Variants in CHODL observed in about 807,000 individuals in gnomAD.
CHODL encodes the protein transmembrane protein MT75.
CHODL carries 29 observed loss-of-function variants against 34.5 expected under a neutral mutation model. The ratio of observed to expected loss-of-function variants is 0.84; its 90% CI spans 0.63 to 1.15. The LOEUF (loss-of-function observed/expected upper bound fraction) is 1.15, where lower values mean the gene tolerates loss of function less well. Ranked by LOEUF, CHODL falls within the 50% of genes most tolerant of loss-of-function variation. The pLI, the probability that CHODL is intolerant of heterozygous loss-of-function variation, is 0.00. For missense variants in CHODL, 332 were observed against 332.5 expected (o/e 1.00, Z 0.01); for synonymous variants, 125 against 116.1 (o/e 1.08, Z -0.49).
intron 1 of CHODL, among the ~76,000 whole-genome samples, chr21:17,953,927 T>A (rs1004194425): frequency 2.6e-5 from 4 of 152,060 alleles, no homozygotes; most frequent in African/African-American, 9.7e-5. Flanking sequence ...GGACAATCAC[T>A]TGAACCCGGG....
At chr21:18,214,048 A>C (rs1450711359) in intron 2 of CHODL, among the ~76,000 whole-genome samples, 1 of 152,070 alleles carries the variant, frequency 6.6e-6, no homozygotes, top group African/African-American at 2.4e-5. Context: ...AAGTTCAATG[A>C]GTCTAAAGTC....
intron 2 of CHODL, among the ~76,000 whole-genome samples, chr21:18,171,868 T>G (rs1568922053): frequency 6.6e-6 from 1 of 152,092 alleles, no homozygotes; most frequent in African/African-American, 2.4e-5. Context: ...TTGGACAGAG[T>G]TTTCCTTAAA....
intron 1 of CHODL, among the ~76,000 whole-genome samples, chr21:17,946,184 A>G (rs567115464): frequency 6.6e-5 from 10 of 152,216 alleles, no homozygotes; most frequent in South Asian, 2.1e-4. Flanking sequence ...TTGGGAGGCC[A>G]AGGCGGGCGG....
At chr21:18,062,458 C>T (rs62213041) in intron 2 of CHODL, among the ~76,000 whole-genome samples, 69,084 of 151,600 alleles carry the variant, frequency 0.46, 16,487 homozygotes, top group Middle Eastern at 0.53. Flanking sequence ...ATCCTCCCAC[C>T]CTGGCCTCTC....
rs147742581 is a variant in CHODL, at chr21:18,130,903, G to A, written c.-45+102932G>A. On this transcript the variant is annotated intron_variant, in intron 2 of 6. Transcript: ENST00000400127. The stretch of plus-strand genomic sequence containing the variant: ...CTACATCTGTACCCTTATTTATTTT[G>A]TTAAAGAATCTGAGTCAGCTTGGGC... Among the ~76,000 whole-genome samples, 716 of 152,090 alleles carry A rather than the reference G, an allele frequency of 4.7e-3. 9 individuals are homozygous for A. The highest frequency in any genetic ancestry group is 0.014 in the African/African-American group (573 of 41,488).
At chr21:17,984,332 G>A (rs2063737246) in intron 1 of CHODL, among the ~76,000 whole-genome samples, 1 of 152,116 alleles carries the variant, frequency 6.6e-6, no homozygotes, top group Non-Finnish European at 1.5e-5. Context: ...CCGTGAACAT[G>A]GGAGTGCAGA....
chr21:18,049,798 C>T (rs1284025644), intron 2 of CHODL, among the ~76,000 whole-genome samples: 1 of 151,936 alleles, frequency 6.6e-6, no homozygotes, highest in Non-Finnish European at 1.5e-5. Context: ...CATTAAAGAC[C>T]TTTTCTTCAA....
At chr21:18,214,801 C>T (rs992451391) in intron 2 of CHODL, among the ~76,000 whole-genome samples, 1 of 152,000 alleles carries the variant, frequency 6.6e-6, no homozygotes, top group Non-Finnish European at 1.5e-5. Context: ...ATCACTTAGG[C>T]GATAGTCACC....
At chr21:17,965,105 C>A (rs188154656) in intron 1 of CHODL, among the ~76,000 whole-genome samples, 2 of 152,164 alleles carry the variant, frequency 1.3e-5, no homozygotes, top group Admixed American at 1.3e-4. Flanking sequence ...ATCTCTTAAA[C>A]CATTTATTTT....
chr21:18,183,441 A>G (rs2073405638), intron 2 of CHODL, among the ~76,000 whole-genome samples: 1 of 152,230 alleles, frequency 6.6e-6, no homozygotes, highest in African/African-American at 2.4e-5. Flanking sequence ...GAAGATGTAC[A>G]AAGTAGAGGA....
At chr21:17,940,134 G>A (rs1013905401) in intron 1 of CHODL, among the ~76,000 whole-genome samples, 4 of 152,104 alleles carry the variant, frequency 2.6e-5, no homozygotes, top group Non-Finnish European at 4.4e-5. Context: ...GTGGTTCCAC[G>A]GTCTGGCATT....
At chr21:18,001,376 C>T (rs1257476259) in intron 1 of CHODL, among the ~76,000 whole-genome samples, 1 of 152,180 alleles carries the variant, frequency 6.6e-6, no homozygotes, top group African/African-American at 2.4e-5. Flanking sequence ...TTGCTGCTTC[C>T]ATGGGGATGT....
chr21:18,212,455 T>C (rs1471503571), intron 2 of CHODL, among the ~76,000 whole-genome samples: 1 of 152,148 alleles, frequency 6.6e-6, no homozygotes, highest in Non-Finnish European at 1.5e-5. Flanking sequence ...TTAAAGCCTA[T>C]ACCTTTAGAC....
intron 2 of CHODL, among the ~76,000 whole-genome samples, chr21:18,107,145 C>G (rs1024999975): frequency 6.6e-6 from 1 of 152,122 alleles, no homozygotes; most frequent in African/African-American, 2.4e-5. Flanking sequence ...TTTATATTTC[C>G]TTTTAATCTG....
In CHODL at chr21:17,988,384, T is replaced by TCC. The variant is rs1555847350; in HGVS notation, c.-144-39486_-144-39485dup. ...TCCTGTGGGAAGTTTTTTTTTTTTT[T>TCC]CCCTTTTTTCCTTTTTTTTTATTAT... On this transcript the variant is annotated intron_variant, in intron 1 of 6. Coordinates refer to the CHODL transcript ENST00000400127. 7.8e-4 allele frequency among the ~76,000 whole-genome samples: 114 copies of TCC among 146,436 alleles called. 1 individual carries two copies. The highest frequency in any genetic ancestry group is 1.5e-3 in the South Asian group (7 of 4,694).
intron 1 of CHODL, among the ~76,000 whole-genome samples, chr21:17,936,847 G>A (rs149482146): frequency 3.9e-5 from 6 of 152,120 alleles, no homozygotes; most frequent in African/African-American, 9.6e-5. Flanking sequence ...AGGCTGAGGC[G>A]GGCAGATCAT....
At chr21:18,028,615 G>A (rs2064211155) in intron 2 of CHODL, among the ~76,000 whole-genome samples, 1 of 146,478 alleles carries the variant, frequency 6.8e-6, no homozygotes. Flanking sequence ...AGAAGAATCT[G>A]TTGAACCTGG....
chr21:18,078,351 A>G (rs2064891872), intron 2 of CHODL, among the ~76,000 whole-genome samples: 1 of 152,088 alleles, frequency 6.6e-6, no homozygotes, highest in African/African-American at 2.4e-5. Context: ...ATCTTGTGAG[A>G]CGTATTCACT....
intron 2 of CHODL, among the ~76,000 whole-genome samples, chr21:18,102,225 G>A (rs2065224057): frequency 1.3e-5 from 2 of 152,118 alleles, no homozygotes; most frequent in African/African-American, 4.8e-5. Context: ...CAACATCTTG[G>A]TTATCATTTT....
Sources: allele counts gnomAD v4.1 joint callset (sites outside exome capture counted in the v4.1 genomes callset), GRCh38; gene constraint gnomAD v4.1.1; transcripts MANE v1.5; gene names NCBI Gene and HGNC (gene_info 2026-07-23, HGNC 2026-07-21).